HTR7: variants seen among roughly 807,000 people sequenced by gnomAD.
The protein encoded by HTR7 is 5-HT-7.
A neutral mutation model predicts 34.0 loss-of-function variants in HTR7; 16 were observed. That is an observed-to-expected ratio of 0.47 (90% confidence interval 0.32 to 0.71). The LOEUF (loss-of-function observed/expected upper bound fraction) is 0.71. HTR7 is among the 30% of genes least tolerant of loss of function. HTR7 has a pLI of 0.04. For missense variants in HTR7, 504 were observed against 625.5 expected (o/e 0.81, Z 2.07); for synonymous variants, 265 against 260.2 (o/e 1.02, Z -0.18).
chr10:90,777,096 T>TA (rs1417926668), intron 1 of HTR7, among the ~76,000 whole-genome samples: 1 of 152,120 alleles, frequency 6.6e-6, no homozygotes, highest in African/African-American at 2.4e-5. Context: ...CCAGGACAGG[T>TA]ATAGTCACTT....
chr10:90,828,761 C>T (rs531336576), intron 1 of HTR7, among the ~76,000 whole-genome samples: 1 of 151,960 alleles, frequency 6.6e-6, no homozygotes, highest in African/African-American at 2.4e-5. Context: ...TTTCACAAAA[C>T]ATTTTTAAAA....
intron 1 of HTR7, among the ~76,000 whole-genome samples, chr10:90,781,269 GTA>G (rs959618763): frequency 1.3e-5 from 2 of 151,958 alleles, no homozygotes; most frequent in African/African-American, 2.4e-5. Context: ...TTTCTCCACA[GTA>G]TATATATATG....
At position 90,742,499 on chromosome 10, in the gene HTR7, C is replaced by T; in HGVS notation, c.1423G>A (p.Val475Ile). ...TTCTGCTTTCAATCATGAATCATGA[C>T]CTTTTTTTCTACAGTAGTCAGCATT... ...DKMLTTVEKK[V>I]MIHD Residue 475 changes from valine (V) to isoleucine (I), a missense_variant, in exon 4 of 4, where the codon GTC becomes ATC. Physicochemically the swap from Val to Ile is conservative, Grantham distance 29. Transcript: ENST00000336152. 3.1e-6 allele frequency: 5 copies of T among 1,600,096 alleles called. No homozygotes were observed. In the South Asian group the frequency reaches 5.5e-5, roughly 18 times the overall value.
intron 1 of HTR7, among the ~76,000 whole-genome samples, chr10:90,835,226 C>A (rs1391830465): frequency 1.3e-5 from 2 of 152,184 alleles, no homozygotes; most frequent in Admixed American, 1.3e-4. Flanking sequence ...ACCCAATAAG[C>A]TAAACCATCC....
intron 1 of HTR7, among the ~76,000 whole-genome samples, chr10:90,792,456 T>C (rs1179916660): frequency 1.3e-5 from 2 of 150,930 alleles, no homozygotes; most frequent in Non-Finnish European, 3.0e-5. Context: ...TATAAACATA[T>C]CTTTTTCATA....
chr10:90,833,473 T>C lies in HTR7; in HGVS notation c.539+23660A>G, dbSNP rs571215778. Among the ~76,000 whole-genome samples the C allele has an allele frequency of 2.6e-5, 4 of 152,264 alleles. No homozygotes were observed. In the East Asian group the frequency reaches 7.7e-4, roughly 29 times the overall value. On this transcript the variant is annotated intron_variant, in intron 1 of 3. Coordinates refer to ENST00000336152, the MANE Select transcript of HTR7 (RefSeq NM_019859.4). ...CCTTTCCTTATTTGTAAAAGGAGGG[T>C]AATAGAACGTACCGCATGGGGTTGT...
At chr10:90,773,751 T>C (rs964586004) in intron 1 of HTR7, among the ~76,000 whole-genome samples, 6 of 152,188 alleles carry the variant, frequency 3.9e-5, no homozygotes, top group Admixed American at 3.9e-4. Flanking sequence ...AACCTCGAAT[T>C]CCACTCATAT....
At chr10:90,805,055 G>C (rs889352871) in intron 1 of HTR7, among the ~76,000 whole-genome samples, 2 of 152,166 alleles carry the variant, frequency 1.3e-5, no homozygotes, top group Non-Finnish European at 2.9e-5. Flanking sequence ...GCATTACCTG[G>C]TCTCTAGCTT....
Position 90,854,259 on chromosome 10 carries a change from C to A in HTR7, c.539+2874G>T, listed in dbSNP as rs79794296. 4.6e-3 allele frequency among the ~76,000 whole-genome samples: 698 copies of A among 152,236 alleles called. 5 individuals are homozygous for A. The highest frequency in any genetic ancestry group is 8.0e-3 in the Non-Finnish European group (542 of 68,016). On this transcript the variant is annotated intron_variant, in intron 1 of 3. Transcript: ENST00000336152. ...TCCTAGGTATTTGCAGGGGCTCAGG[C>A]ACGAGAATCACCTGAACCCAGGAGG... is the stretch of plus-strand genomic sequence containing the variant.
rs150163063 is a variant in HTR7 at position 90,762,278 on chromosome 10, A to T, written c.540-12684T>A. 5.0e-3 allele frequency among the ~76,000 whole-genome samples: 766 copies of T among 152,312 alleles called. 6 individuals are homozygous for T. The highest frequency in any genetic ancestry group is 8.4e-3 in the Non-Finnish European group (569 of 68,028). ...AAGTGCATAGGGGTTCCCTTTTCTC[A>T]GCATCCTCACGAACACTCGTTATTT... On this transcript the variant is annotated intron_variant, in intron 1 of 3. Coordinates refer to ENST00000336152, the MANE Select transcript of HTR7 (RefSeq NM_019859.4).
chr10:90,831,406 C>T (rs941049065), intron 1 of HTR7, among the ~76,000 whole-genome samples: 6 of 151,866 alleles, frequency 4.0e-5, no homozygotes, highest in Admixed American at 3.3e-4. Context: ...GTTGTTTGTT[C>T]CTCCCGGTGG....
At chr10:90,844,287 A>T (rs1483176354) in intron 1 of HTR7, among the ~76,000 whole-genome samples, 1 of 152,220 alleles carries the variant, frequency 6.6e-6, no homozygotes, top group African/African-American at 2.4e-5. Context: ...TTCAAAAAAT[A>T]TGGATGCATG....
At chr10:90,828,985 A>C (rs1449401755) in intron 1 of HTR7, among the ~76,000 whole-genome samples, 1 of 152,184 alleles carries the variant, frequency 6.6e-6, no homozygotes, top group Non-Finnish European at 1.5e-5. Context: ...TGAATATTGA[A>C]GCAAAAATCC....
intron 1 of HTR7, among the ~76,000 whole-genome samples, chr10:90,763,178 T>G (rs1844966967): frequency 6.6e-6 from 1 of 152,186 alleles, no homozygotes; most frequent in African/African-American, 2.4e-5. Context: ...AAAATGCCAT[T>G]GGAATTTTGA....
chr10:90,834,029 A>AAT (rs1846217076), intron 1 of HTR7, among the ~76,000 whole-genome samples: 1 of 152,226 alleles, frequency 6.6e-6, no homozygotes, highest in Non-Finnish European at 1.5e-5. Flanking sequence ...AATTACAAGG[A>AAT]TAGGTAAAAG....
intron 1 of HTR7, among the ~76,000 whole-genome samples, chr10:90,766,886 T>C (rs1845033469): frequency 6.6e-6 from 1 of 152,238 alleles, no homozygotes; most frequent in African/African-American, 2.4e-5. Context: ...CCTATGGTTC[T>C]TGACAGGCCA....
intron 1 of HTR7, among the ~76,000 whole-genome samples, chr10:90,839,376 C>A (rs1238981796): frequency 6.6e-6 from 1 of 152,128 alleles, no homozygotes; most frequent in Non-Finnish European, 1.5e-5. Flanking sequence ...CCTTTTAAGT[C>A]TCCCCATGTT....
At chr10:90,810,538 C>A (rs1845789396) in intron 1 of HTR7, among the ~76,000 whole-genome samples, 1 of 152,188 alleles carries the variant, frequency 6.6e-6, no homozygotes, top group Non-Finnish European at 1.5e-5. Flanking sequence ...TAAAACCAGA[C>A]AAGCCTTACA....
intron 1 of HTR7, among the ~76,000 whole-genome samples, chr10:90,754,948 C>T (rs1844811971): frequency 6.6e-6 from 1 of 152,210 alleles, no homozygotes; most frequent in Non-Finnish European, 1.5e-5. Flanking sequence ...GAATCTCCGG[C>T]TGATGTCAGT....
Sources: gnomAD v4.1 joint callset for allele counts (sites outside exome capture counted in the v4.1 genomes callset) on GRCh38, gnomAD v4.1.1 for gene constraint, MANE v1.5 for transcripts, NCBI Gene and HGNC (gene_info 2026-07-23, HGNC 2026-07-21) for gene names.